Variants in TLCD3B observed in about 807,000 individuals in gnomAD.
TLCD3B encodes the protein ceramide synthase.
Under a neutral mutation model 23.0 loss-of-function variants are expected in TLCD3B, and 9 were observed. The ratio of observed to expected loss-of-function variants is 0.39; its 90% confidence interval spans 0.24 to 0.68. The LOEUF (loss-of-function observed/expected upper bound fraction) is 0.68, where lower values mean the gene tolerates loss of function less well. Among genes scored for constraint, TLCD3B ranks in the 30% least tolerant of loss-of-function variants. TLCD3B has a pLI of 0.44. For synonymous variants in TLCD3B, 161 were observed against 161.0 expected (o/e 1.00, Z 0.00); for missense variants, 307 against 371.8 (o/e 0.83, Z 1.43).
intron 1 of TLCD3B, among the ~76,000 whole-genome samples, chr16:30,052,086 G>A (rs965822378): frequency 6.6e-6 from 1 of 152,158 alleles, no homozygotes; most frequent in African/African-American, 2.4e-5. Context: ...AGAAAAAAAG[G>A]CTGGGCACAG....
chr16:30,031,698 A>C (rs544190189), upstream of TLCD3B, among the ~76,000 whole-genome samples: 21 of 152,336 alleles, frequency 1.4e-4, 1 homozygote, highest in African/African-American at 4.6e-4. Context: ...CCCTCACCCG[A>C]TGGCGGGGAA....
chr16:30,026,849 G>A lies in TLCD3B; in HGVS notation c.210-6C>T, dbSNP rs772353223. On this transcript the variant is annotated splice_region_variant and splice_polypyrimidine_tract_variant and intron_variant, in intron 2 of 4. Coordinates refer to ENST00000380495, the MANE Select transcript of TLCD3B (RefSeq NM_031478.6). ...AGGCAGAGGACAGCCAGTGTCTGTTGGGCAGAGAGACGGGGTGGGGGAGCA... is the reference window on the plus strand; with the variant it reads ...AGGCAGAGGACAGCCAGTGTCTGTTAGGCAGAGAGACGGGGTGGGGGAGCA... 2.5e-6 allele frequency: 4 copies of A among 1,612,738 alleles called. No homozygotes were observed. The highest frequency in any genetic ancestry group is 2.5e-6 in the Non-Finnish European group (3 of 1,179,136).
chr16:30,030,433 TC>T lies in TLCD3B; in HGVS notation c.94del (p.Glu32ArgfsTer90). 1 of 1,601,904 alleles carries T rather than the reference TC, an allele frequency of 6.2e-7. No individual in the cohort carries two copies. The highest frequency in any genetic ancestry group is 8.5e-7 in the Non-Finnish European group (1 of 1,175,228). On this transcript the variant is annotated frameshift_variant, in exon 1 of 5. Transcript: ENST00000380495. LOFTEE classifies it high-confidence loss of function. ...TGAGACAATGACTGCGTCGGCCTCC[TC>T]CCAGCGTAGCTGGGGCAGCCGCTGG... is the stretch of plus-strand genomic sequence containing the variant. Reference protein sequence around the residue: ...TLQRLPQLRWEEADAVIVSAR... With the variant: ...TLQRLPQLRWXEADAVIVSAR...
chr16:30,029,932 C>G lies in TLCD3B; in HGVS notation c.126-417G>C. On this transcript the variant is annotated intron_variant, in intron 1 of 4. Transcript: ENST00000380495. The surrounding 1 kb of genome is among the most constrained non-coding windows in gnomAD (Gnocchi z 4.6). ...GGCCTCACTCTGGACCCTTTGTGAC[C>G]CCGAGTTCCCCAGTCACTTTCCCAC... 4 of 942,554 alleles carry G rather than the reference C, an allele frequency of 4.2e-6. No homozygotes were observed. Among genetic ancestry groups the G allele is most frequent in the Non-Finnish European group, 1.5e-6 (1 of 661,454 alleles). 58.4% of individuals were successfully genotyped at this position (942,554 alleles called of 1,614,324 possible).
chr16:30,026,672 G>A lies in TLCD3B; in HGVS notation c.381C>T (p.His127=). 1.9e-6 allele frequency: 3 copies of A among 1,613,936 alleles called. No individual in the cohort carries two copies. Among genetic ancestry groups the A allele is most frequent in the Non-Finnish European group, 2.5e-6 (3 of 1,180,030 alleles). Residue 127 remains histidine, a synonymous_variant, in exon 3 of 5, where the codon CAC becomes CAT. Coordinates refer to ENST00000380495, the MANE Select transcript of TLCD3B (RefSeq NM_031478.6). ...GGTGGAGCACCATGAGGAACTCCTT[G>A]TGCAGGTAGCCACGCGCTATGGCCC... is the stretch of plus-strand genomic sequence containing the variant. ...STWAIARGYL[H]KEFLMVLHHA... is the part of the protein sequence containing the mutation.
chr16:30,047,179 A>G (rs377220582), intron 1 of TLCD3B, among the ~76,000 whole-genome samples: 9 of 151,772 alleles, frequency 5.9e-5, no homozygotes, highest in African/African-American at 2.2e-4. Flanking sequence ...CTATCTATCT[A>G]TCTATCTATC....
chr16:30,040,147 A>AAAAAAAAT, intron 3 of TLCD3B, among the ~76,000 whole-genome samples: 3,402 of 95,776 alleles, frequency 0.036, 117 homozygotes, highest in Non-Finnish European at 0.052. Flanking sequence ...AAAAAAAAAA[A>AAAAAAAAT]ATATATATAT....
upstream of TLCD3B, among the ~76,000 whole-genome samples, chr16:30,034,138 T>C (rs2071420165): frequency 6.6e-6 from 1 of 151,562 alleles, no homozygotes; most frequent in South Asian, 2.1e-4. Flanking sequence ...CCAGGCATGG[T>C]GGTGCACACC....
chr16:30,036,149 C>G, upstream of TLCD3B: 1 of 1,284,626 alleles, frequency 7.8e-7, no homozygotes, highest in Admixed American at 2.4e-5. Context: ...TCTCCCCAGT[C>G]CTCACCTCAG....
At chr16:30,050,170 G>A (rs1181077454) in intron 1 of TLCD3B, among the ~76,000 whole-genome samples, 1 of 152,194 alleles carries the variant, frequency 6.6e-6, no homozygotes, top group Non-Finnish European at 1.5e-5. Context: ...TGCAGAATAT[G>A]TGTTCCTGGA....
rs974063340 is a variant in TLCD3B, at chr16:30,036,541, G to A, written c.-66-327C>T. ...GGAAGGTGTCAAACTGCAAAGGCAC[G>A]AGGCTGCTCTGTAGAGGCAGTTGGG... On this transcript the variant is annotated intron_variant, in intron 3 of 6. Transcript: ENST00000561666. 44 of 633,250 alleles carry A rather than the reference G, an allele frequency of 6.9e-5. 1 individual carries two copies. In the African/African-American group the frequency reaches 7.9e-4, roughly 11 times the overall value. 39.2% of individuals were successfully genotyped at this position (633,250 alleles called of 1,614,324 possible). A position where few individuals can be genotyped will look rare whatever the true frequency, so the allele number is the denominator to read the frequency against.
At chr16:30,047,856 C>T (rs1278941629) in intron 1 of TLCD3B, among the ~76,000 whole-genome samples, 7 of 151,222 alleles carry the variant, frequency 4.6e-5, no homozygotes, top group African/African-American at 7.3e-5. Flanking sequence ...AACTCCTGGG[C>T]TCAGCCCTGG....
At chr16:30,030,086 C>T in intron 1 of TLCD3B, 1 of 1,379,800 alleles carries the variant, frequency 7.2e-7, no homozygotes, top group East Asian at 4.0e-5. Context: ...CTGTCTGGCC[C>T]TGGCCTCAGT....
chr16:30,037,575 T>G (rs1020809017), intron 3 of TLCD3B, among the ~76,000 whole-genome samples: 21 of 145,260 alleles, frequency 1.4e-4, no homozygotes, highest in Admixed American at 2.7e-4. Flanking sequence ...AGAAGAAGAA[T>G]AAAATAGTCC....
chr16:30,049,868 G>A (rs1004739334), intron 1 of TLCD3B, among the ~76,000 whole-genome samples: 1 of 151,604 alleles, frequency 6.6e-6, no homozygotes, highest in Admixed American at 6.6e-5. Flanking sequence ...AGGTTGCAGT[G>A]CGCTGAGATC....
At chr16:30,040,776 C>T (rs1437052400) in intron 3 of TLCD3B, among the ~76,000 whole-genome samples, 2 of 152,114 alleles carry the variant, frequency 1.3e-5, no homozygotes. Flanking sequence ...CCACCTCAGC[C>T]TCCTGAGTAG....
intron 3 of TLCD3B, among the ~76,000 whole-genome samples, chr16:30,040,752 C>A (rs2071568699): frequency 6.6e-6 from 1 of 152,040 alleles, no homozygotes; most frequent in South Asian, 2.1e-4. Context: ...ACCTCCCGGG[C>A]TCAAGTGATC....
chr16:30,047,940 A>C (rs1195516646), intron 1 of TLCD3B, among the ~76,000 whole-genome samples: 3 of 150,994 alleles, frequency 2.0e-5, no homozygotes, highest in Non-Finnish European at 4.4e-5. Context: ...TCAGAAGTTC[A>C]AGACCAGCCT....
At chr16:30,051,793 T>G (rs1387495776) in intron 1 of TLCD3B, among the ~76,000 whole-genome samples, 1 of 152,188 alleles carries the variant, frequency 6.6e-6, no homozygotes, top group East Asian at 1.9e-4. Context: ...TGCCTGAGGT[T>G]GGCAGGGAGA....
Sources: allele counts gnomAD v4.1 joint callset (sites outside exome capture counted in the v4.1 genomes callset), GRCh38; gene constraint gnomAD v4.1.1; non-coding constraint Gnocchi (gnomAD v3.1); transcripts MANE v1.5; gene names NCBI Gene and HGNC (gene_info 2026-07-23, HGNC 2026-07-21).